Variants in CSMD1 observed in about 807,000 individuals in gnomAD.
The protein encoded by CSMD1 is CUB and sushi domain-containing protein 1.
In CSMD1, 213 loss-of-function variants were observed where a neutral mutation model predicts 417.5. The ratio of observed to expected loss-of-function variants is 0.51; its 90% CI spans 0.46 to 0.57. CSMD1 has a LOEUF of 0.57. Among genes scored for constraint, CSMD1 ranks in the 20% least tolerant of loss-of-function variants. The pLI is 0.00. For synonymous variants in CSMD1, 2,862 were observed against 1,736.8 expected (o/e 1.65, Z -16.11); for missense variants, 6,923 against 4,529.7 (o/e 1.53, Z -15.17).
chr8:3,661,403 C>A (rs1310652465), intron 7 of CSMD1, among the ~76,000 whole-genome samples: 1 of 152,168 alleles, frequency 6.6e-6, no homozygotes, highest in African/African-American at 2.4e-5. Context: ...GTGTATAAAT[C>A]TTCTTCCACC....
chr8:4,904,422 C>G (rs1373510727), intron 1 of CSMD1, among the ~76,000 whole-genome samples: 1 of 152,100 alleles, frequency 6.6e-6, no homozygotes, highest in Non-Finnish European at 1.5e-5. Context: ...ACTTATATCT[C>G]ACAAATAAAA....
At chr8:3,092,102 C>T (rs1349089179) in intron 47 of CSMD1, among the ~76,000 whole-genome samples, 1 of 151,838 alleles carries the variant, frequency 6.6e-6, no homozygotes, top group Non-Finnish European at 1.5e-5. Context: ...TTCTATGAAC[C>T]CTAGCACATG....
intron 52 of CSMD1, among the ~76,000 whole-genome samples, chr8:3,011,024 C>T (rs1808346094): frequency 6.6e-6 from 1 of 152,124 alleles, no homozygotes. Flanking sequence ...CCGCGCCCTG[C>T]CTATTCTCAA....
Position 3,180,743 on chromosome 8 carries a change from C to T in CSMD1, c.5725+367G>A, listed in dbSNP as rs372305833. ...CTCTGCCTCCCAGGTGATTCTCCTG[C>T]CTCAGCCTCTTAGGTAGCTGAGATT... On this transcript the variant is annotated intron_variant, in intron 37 of 69. Transcript: ENST00000635120. Among the ~76,000 whole-genome samples the T allele has an allele frequency of 2.5e-3, 378 of 152,200 alleles. 2 individuals carry two copies. The highest frequency in any genetic ancestry group is 8.8e-3 in the African/African-American group (366 of 41,532).
chr8:3,108,321 A>C (rs1816278581), intron 44 of CSMD1, among the ~76,000 whole-genome samples: 1 of 152,214 alleles, frequency 6.6e-6, no homozygotes, highest in African/African-American at 2.4e-5. Context: ...GGATGAGTAA[A>C]TCTATAAAAG....
At chr8:4,638,833 G>C (rs930216780) in intron 1 of CSMD1, among the ~76,000 whole-genome samples, 8 of 152,298 alleles carry the variant, frequency 5.3e-5, no homozygotes, top group African/African-American at 1.9e-4. Context: ...TGAAGCCACT[G>C]AGCAGTGTCT....
chr8:3,487,458 C>T (rs1441803494), intron 11 of CSMD1, among the ~76,000 whole-genome samples: 1 of 152,174 alleles, frequency 6.6e-6, no homozygotes, highest in Non-Finnish European at 1.5e-5. Context: ...GCCTCGGCCT[C>T]CCCAAGTGTT....
At chr8:4,041,432 T>A (rs1372443901) in intron 3 of CSMD1, among the ~76,000 whole-genome samples, 2 of 152,184 alleles carry the variant, frequency 1.3e-5, no homozygotes, top group Non-Finnish European at 2.9e-5. Flanking sequence ...AGCAACTTCT[T>A]TCGTGCCTCA....
intron 5 of CSMD1, among the ~76,000 whole-genome samples, chr8:3,928,445 T>C (rs1809903677): frequency 6.6e-6 from 1 of 152,172 alleles, no homozygotes; most frequent in Non-Finnish European, 1.5e-5. Flanking sequence ...AACCAGTAAC[T>C]GCTGAATTAA....
At position 4,191,352 on chromosome 8, in the gene CSMD1, C is replaced by T. The variant is rs557991789; in HGVS notation, c.416-159253G>A. On this transcript the variant is annotated intron_variant, in intron 3 of 69. Coordinates refer to ENST00000635120, the MANE Select transcript of CSMD1 (RefSeq NM_033225.6). ...CAGAGCCTGCAGTGAGCAGAGATCG[C>T]GCCACTGCACTCCAGCCTGGGCAAC... 9.9e-5 allele frequency among the ~76,000 whole-genome samples: 15 copies of T among 152,028 alleles called. No individual in the cohort carries two copies. In the East Asian group the frequency reaches 1.6e-3, roughly 16 times the overall value.
At chr8:3,279,972 G>A (rs1001553929) in intron 26 of CSMD1, among the ~76,000 whole-genome samples, 2 of 152,200 alleles carry the variant, frequency 1.3e-5, no homozygotes, top group Admixed American at 1.3e-4. Flanking sequence ...AACCGTATCA[G>A]GAAGGTTACT....
At chr8:4,691,588 C>T (rs545865984) in intron 1 of CSMD1, among the ~76,000 whole-genome samples, 1 of 152,324 alleles carries the variant, frequency 6.6e-6, no homozygotes, top group South Asian at 2.1e-4. Context: ...GGCCACACTT[C>T]TCCTTCCAGG....
chr8:4,334,176 G>C (rs1800028513), intron 3 of CSMD1, among the ~76,000 whole-genome samples: 1 of 152,162 alleles, frequency 6.6e-6, no homozygotes, highest in African/African-American at 2.4e-5. Flanking sequence ...CAAAGTGCTG[G>C]GATTACAGGT....
intron 33 of CSMD1, among the ~76,000 whole-genome samples, chr8:3,193,375 A>G (rs1415716742): frequency 6.6e-6 from 1 of 152,172 alleles, no homozygotes; most frequent in South Asian, 2.1e-4. Flanking sequence ...GAAAGTGAGG[A>G]CACCAATTGT....
chr8:3,690,708 C>G (rs905112046), intron 7 of CSMD1, among the ~76,000 whole-genome samples: 1 of 152,100 alleles, frequency 6.6e-6, no homozygotes. Context: ...AAGCGCATAG[C>G]TGATACATCT....
intron 5 of CSMD1, among the ~76,000 whole-genome samples, chr8:3,964,609 T>A (rs1812550016): frequency 6.6e-6 from 1 of 152,216 alleles, no homozygotes; most frequent in Non-Finnish European, 1.5e-5. Flanking sequence ...CCAATTGTAA[T>A]GTTTTAGCTA....
At chr8:4,595,387 C>CTTTTTTTTTTTTTTT in intron 2 of CSMD1, among the ~76,000 whole-genome samples, 5 of 147,396 alleles carry the variant, frequency 3.4e-5, no homozygotes, top group Non-Finnish European at 3.0e-5. Flanking sequence ...CATTCATTTT[C>CTTTTTTTTTTTTTTT]ATTCCATCCA....
intron 3 of CSMD1, among the ~76,000 whole-genome samples, chr8:4,366,649 G>T (rs559942295): frequency 6.6e-6 from 1 of 151,860 alleles, no homozygotes; most frequent in Non-Finnish European, 1.5e-5. Flanking sequence ...GTATCTCATC[G>T]TGGTTTTGAT....
At chr8:4,252,719 T>C (rs931917729) in intron 3 of CSMD1, among the ~76,000 whole-genome samples, 1 of 152,236 alleles carries the variant, frequency 6.6e-6, no homozygotes, top group African/African-American at 2.4e-5. Flanking sequence ...GTTGTATTGG[T>C]TGTACAGGAA....
Sources: gnomAD v4.1 joint callset for allele counts (sites outside exome capture counted in the v4.1 genomes callset) on GRCh38, gnomAD v4.1.1 for gene constraint, MANE v1.5 for transcripts, NCBI Gene and HGNC (gene_info 2026-07-23, HGNC 2026-07-21) for gene names.